Variants in HTR7 observed in about 807,000 individuals in gnomAD.
HTR7 encodes the protein 5-HT-7.
In HTR7, 16 loss-of-function variants were observed where a neutral mutation model predicts 34.0. The observed-to-expected ratio is 0.47, with a 90% CI of 0.32 to 0.71. The LOEUF is 0.71. Ranked by LOEUF, HTR7 falls within the 30% of genes least tolerant of loss-of-function variation. The probability of loss-of-function intolerance (pLI) is 0.04; values close to 1 mark genes in which losing one functional copy is unlikely to be tolerated. For synonymous variants in HTR7, 265 were observed against 260.2 expected (o/e 1.02, Z -0.18); for missense variants, 504 against 625.5 (o/e 0.81, Z 2.07).
In HTR7 at chr10:90,838,286, G is replaced by A. The variant is rs1846281212; in HGVS notation, c.539+18847C>T. Among the ~76,000 whole-genome samples the A allele has an allele frequency of 2.0e-5, 3 of 152,094 alleles. No homozygotes were observed. In the South Asian group the frequency reaches 6.2e-4, roughly 32 times the overall value. ...ATCTACTGAATTGCTTGAGCCAAAA[G>A]CACAAGAGTCATCCTTCATGCCTGT... is the stretch of plus-strand genomic sequence containing the variant. On this transcript the variant is annotated intron_variant, in intron 1 of 3. Coordinates refer to ENST00000336152, the MANE Select transcript of HTR7 (RefSeq NM_019859.4).
At chr10:90,793,607 TAGTC>T (rs1234259493) in intron 1 of HTR7, among the ~76,000 whole-genome samples, 1 of 151,008 alleles carries the variant, frequency 6.6e-6, no homozygotes, top group Non-Finnish European at 1.5e-5. Flanking sequence ...GACACTGTAT[TAGTC>T]AGGGTTCTCT....
rs144599609 is a variant in HTR7, at chr10:90,797,517, TAC to T, written c.540-47925_540-47924del. Among the ~76,000 whole-genome samples, 1,076 of 152,364 alleles carry T rather than the reference TAC, an allele frequency of 7.1e-3. 22 individuals carry two copies. Among genetic ancestry groups the T allele is most frequent in the African/African-American group, 0.025 (1,021 of 41,584 alleles). On this transcript the variant is annotated intron_variant, in intron 1 of 3. Coordinates refer to ENST00000336152, the MANE Select transcript of HTR7 (RefSeq NM_019859.4). ...GTTTCAATGTTATTCTGTAGGGTCA[TAC>T]ATTGTGGTAACTTGAAGGCCTCTTT... is the stretch of plus-strand genomic sequence containing the variant.
intron 1 of HTR7, among the ~76,000 whole-genome samples, chr10:90,784,759 G>A (rs929568182): frequency 3.3e-5 from 5 of 152,174 alleles, no homozygotes; most frequent in Admixed American, 3.3e-4. Flanking sequence ...AGGCAGTCGG[G>A]AGAAAGCCTA....
At chr10:90,855,346 C>T (rs1846562255) in intron 1 of HTR7, among the ~76,000 whole-genome samples, 1 of 152,176 alleles carries the variant, frequency 6.6e-6, no homozygotes, top group Non-Finnish European at 1.5e-5. Flanking sequence ...ATAGGAATCA[C>T]AAGGTGATCT....
chr10:90,823,143 A>G (rs1021927531), intron 1 of HTR7, among the ~76,000 whole-genome samples: 1 of 152,224 alleles, frequency 6.6e-6, no homozygotes, highest in Non-Finnish European at 1.5e-5. Flanking sequence ...TGGAGCTGTT[A>G]GAAGAGGGCC....
chr10:90,761,854 A>G (rs1050806255), intron 1 of HTR7, among the ~76,000 whole-genome samples: 5 of 152,170 alleles, frequency 3.3e-5, no homozygotes, highest in African/African-American at 1.2e-4. Flanking sequence ...TTGACTTTTT[A>G]GATTCCACAA....
At chr10:90,805,231 A>G (rs1054919571) in intron 1 of HTR7, among the ~76,000 whole-genome samples, 3 of 152,160 alleles carry the variant, frequency 2.0e-5, no homozygotes, top group Non-Finnish European at 2.9e-5. Flanking sequence ...GCATGTTTGG[A>G]TGAGAAAAGC....
At chr10:90,805,867 G>A (rs1310598288) in intron 1 of HTR7, among the ~76,000 whole-genome samples, 1 of 152,182 alleles carries the variant, frequency 6.6e-6, no homozygotes, top group Non-Finnish European at 1.5e-5. Context: ...TAGCCCAAAT[G>A]CCTGTTAGCT....
chr10:90,827,472 C>T (rs1333994951), intron 1 of HTR7, among the ~76,000 whole-genome samples: 1 of 151,978 alleles, frequency 6.6e-6, no homozygotes, highest in Admixed American at 6.6e-5. Context: ...CTGTTGCCTA[C>T]TAAAAACACA....
At chr10:90,788,353 C>T (rs766121037) in intron 1 of HTR7, among the ~76,000 whole-genome samples, 1 of 152,132 alleles carries the variant, frequency 6.6e-6, no homozygotes, top group Non-Finnish European at 1.5e-5. Context: ...ACACTTTAAA[C>T]GGAGCTCTTC....
chr10:90,827,089 T>C (rs1208305792), intron 1 of HTR7, among the ~76,000 whole-genome samples: 1 of 151,270 alleles, frequency 6.6e-6, no homozygotes, highest in Non-Finnish European at 1.5e-5. Flanking sequence ...AATTCAACCA[T>C]ACCACTAGAG....
chr10:90,773,847 G>T (rs574428511), intron 1 of HTR7, among the ~76,000 whole-genome samples: 2 of 152,140 alleles, frequency 1.3e-5, no homozygotes, highest in South Asian at 4.1e-4. Flanking sequence ...TTATCCATTT[G>T]TCAGGTGATA....
intron 1 of HTR7, among the ~76,000 whole-genome samples, chr10:90,828,533 T>C (rs116900143): frequency 0.016 from 2,373 of 152,154 alleles, 37 homozygotes; most frequent in Non-Finnish European, 0.025. Context: ...TTATAACTGA[T>C]ACTGCAGAAA....
intron 3 of HTR7, 81 bp from the exon 4 acceptor site, chr10:90,742,609 A>C (rs1589431563): frequency 2.2e-6 from 2 of 894,518 alleles, no homozygotes; most frequent in East Asian, 4.9e-5. Flanking sequence ...AGGTGGACTT[A>C]ATTTTTACAG....
intron 1 of HTR7, among the ~76,000 whole-genome samples, chr10:90,801,801 G>C (rs1845631360): frequency 6.6e-6 from 1 of 152,182 alleles, no homozygotes; most frequent in South Asian, 2.1e-4. Context: ...TGTGCAATCT[G>C]ATTGAACAGA....
intron 1 of HTR7, among the ~76,000 whole-genome samples, chr10:90,833,493 GGTT>G (rs1846209851): frequency 6.6e-6 from 1 of 152,134 alleles, no homozygotes; most frequent in Non-Finnish European, 1.5e-5. Flanking sequence ...TACCGCATGG[GGTT>G]GTTGTAAAGA....
intron 1 of HTR7, among the ~76,000 whole-genome samples, chr10:90,790,976 T>C (rs186662847): frequency 6.6e-6 from 1 of 152,262 alleles, no homozygotes; most frequent in Admixed American, 6.5e-5. Context: ...TGAATGGCAG[T>C]AAGAATCAAA....
chr10:90,759,676 A>G (rs1844901327), intron 1 of HTR7, among the ~76,000 whole-genome samples: 1 of 151,366 alleles, frequency 6.6e-6, no homozygotes, highest in East Asian at 1.9e-4. Context: ...AAAAAAAAAA[A>G]AAAAAAAAAC....
chr10:90,768,007 C>A (rs181160000), intron 1 of HTR7, among the ~76,000 whole-genome samples: 1 of 152,136 alleles, frequency 6.6e-6, no homozygotes, highest in Non-Finnish European at 1.5e-5. Flanking sequence ...CTTCCTCTAA[C>A]AAGTTTTTAT....
Sources: gnomAD v4.1 joint callset for allele counts (sites outside exome capture counted in the v4.1 genomes callset) on GRCh38, gnomAD v4.1.1 for gene constraint, MANE v1.5 for transcripts, NCBI Gene and HGNC (gene_info 2026-07-23, HGNC 2026-07-21) for gene names.